The following LRRC63 variants were observed in gnomAD, a reference collection of about 807,000 sequenced individuals.
LRRC63 encodes leucine-rich repeat-containing protein 63.
A neutral mutation model predicts 49.5 loss-of-function variants in LRRC63; 40 were observed. The ratio of observed to expected loss-of-function variants is 0.81; its 90% CI spans 0.63 to 1.05. The LOEUF (loss-of-function observed/expected upper bound fraction) is 1.05, where lower values mean the gene tolerates loss of function less well. LRRC63 is among the 50% of genes least tolerant of loss of function. The pLI is 0.00. For missense variants in LRRC63, 636 were observed against 663.1 expected, an observed-to-expected ratio of 0.96 and a Z score of 0.45; for synonymous variants, 191 against 221.1, an observed-to-expected ratio of 0.86 and a Z score of 1.21.
chr13:46,261,512 A>G (rs2047613654), intron 7 of LRRC63, among the ~76,000 whole-genome samples: 1 of 152,212 alleles, frequency 6.6e-6, no homozygotes, highest in Admixed American at 6.5e-5. Flanking sequence ...CTCAGAGCCT[A>G]TGAAGGGAAC....
At chr13:46,249,731 T>C (rs2047321864) in intron 6 of LRRC63, among the ~76,000 whole-genome samples, 1 of 151,956 alleles carries the variant, frequency 6.6e-6, no homozygotes. Flanking sequence ...TTTATGATGA[T>C]AACAAGGTTG....
chr13:46,247,141 C>A (rs1217257632), intron 6 of LRRC63, among the ~76,000 whole-genome samples: 1 of 152,070 alleles, frequency 6.6e-6, no homozygotes, highest in Non-Finnish European at 1.5e-5. Context: ...GTCATTGCTT[C>A]ATTGATTACT....
chr13:46,241,523 G>A (rs1177507839), intron 5 of LRRC63, among the ~76,000 whole-genome samples: 1 of 152,142 alleles, frequency 6.6e-6, no homozygotes, highest in Admixed American at 6.5e-5. Context: ...ACTATCAACA[G>A]AGTGAACAGA....
At chr13:46,270,628 G>T in intron 9 of LRRC63, 1 of 830,208 alleles carries the variant, frequency 1.2e-6, no homozygotes, top group South Asian at 1.3e-5. Context: ...CATGAGGACT[G>T]ACATGGAGCA....
chr13:46,272,985 G>C (rs1772537864), intron 9 of LRRC63, among the ~76,000 whole-genome samples: 1 of 152,202 alleles, frequency 6.6e-6, no homozygotes, highest in South Asian at 2.1e-4. Context: ...TGATTGAAGA[G>C]AGGAATAAGC....
intron 9 of LRRC63, among the ~76,000 whole-genome samples, chr13:46,276,039 T>A (rs560445325): frequency 6.6e-6 from 1 of 152,304 alleles, no homozygotes; most frequent in South Asian, 2.1e-4. Context: ...TTTACCTGTG[T>A]TCTCTTGACA....
intron 5 of LRRC63, among the ~76,000 whole-genome samples, chr13:46,245,313 A>G (rs1054128516): frequency 6.6e-6 from 1 of 152,196 alleles, no homozygotes; most frequent in Non-Finnish European, 1.5e-5. Context: ...AAACAATTCA[A>G]TAAAGATATA....
chr13:46,243,042 T>C (rs949435035), intron 5 of LRRC63, among the ~76,000 whole-genome samples: 2 of 152,206 alleles, frequency 1.3e-5, no homozygotes, highest in South Asian at 4.1e-4. Context: ...GTAATTGTGG[T>C]AAGTAAACCA....
chr13:46,232,598 A>C (rs1472130259), intron 4 of LRRC63, among the ~76,000 whole-genome samples: 2 of 152,210 alleles, frequency 1.3e-5, no homozygotes, highest in Non-Finnish European at 2.9e-5. Flanking sequence ...ATCCTTGATA[A>C]TGGTGTTTTC....
chr13:46,246,232 G>A (rs1056790157), intron 5 of LRRC63, among the ~76,000 whole-genome samples: 9 of 152,146 alleles, frequency 5.9e-5, no homozygotes, highest in African/African-American at 1.2e-4. Context: ...CTGGAGAACC[G>A]TGAGCCAATT....
At chr13:46,226,685 G>A (rs953194074) in intron 2 of LRRC63, among the ~76,000 whole-genome samples, 7 of 152,160 alleles carry the variant, frequency 4.6e-5, no homozygotes, top group Non-Finnish European at 8.8e-5. Flanking sequence ...AACTCCAATA[G>A]CTCTGTTCAG....
chr13:46,221,015 A>G (rs2046392806), intron 2 of LRRC63, among the ~76,000 whole-genome samples: 1 of 152,032 alleles, frequency 6.6e-6, no homozygotes, highest in African/African-American at 2.4e-5. Context: ...ACTTACTCCT[A>G]CGCACCACTT....
In LRRC63 at chr13:46,266,967, AAAATGGTGAGC is replaced by A; in HGVS notation, c.1550+1_1550+11del. On this transcript the variant is annotated splice_donor_variant and splice_donor_5th_base_variant and coding_sequence_variant and intron_variant, in exon 9 of 10. Coordinates refer to ENST00000595396, the Ensembl canonical transcript of LRRC63. LOFTEE classifies it high-confidence loss of function. ...TCCCAGTAGAAGTTCAGAAGTTACT[AAAATGGTGAGC>A]AAATGCTGAAGCCCTTTTAACCAAA... 6.5e-7 allele frequency: 1 copy of A among 1,528,574 alleles called. No homozygotes were observed. The highest frequency in any genetic ancestry group is 8.8e-7 in the Non-Finnish European group (1 of 1,137,830). 94.7% of individuals were successfully genotyped at this position (1,528,574 alleles called of 1,614,324 possible). A position where few individuals can be genotyped will look rare whatever the true frequency, so the allele number is the denominator to read the frequency against.
chr13:46,243,720 G>T (rs780696732), intron 5 of LRRC63, among the ~76,000 whole-genome samples: 3 of 152,084 alleles, frequency 2.0e-5, no homozygotes, highest in South Asian at 4.1e-4. Context: ...CAGGTGATCC[G>T]CCTACCTCGG....
At chr13:46,235,567 A>G (rs1344967728) in intron 5 of LRRC63, among the ~76,000 whole-genome samples, 1 of 152,188 alleles carries the variant, frequency 6.6e-6, no homozygotes, top group Non-Finnish European at 1.5e-5. Context: ...TTAACACATA[A>G]TAATTATTAA....
intron 7 of LRRC63, among the ~76,000 whole-genome samples, chr13:46,258,178 G>A (rs1414416941): frequency 7.1e-6 from 1 of 141,220 alleles, no homozygotes; most frequent in African/African-American, 2.7e-5. Flanking sequence ...TGCCCAGGCT[G>A]GAGTGCAATG....
intron 2 of LRRC63, among the ~76,000 whole-genome samples, chr13:46,221,324 T>C (rs776661722): frequency 3.9e-5 from 6 of 152,300 alleles, no homozygotes; most frequent in East Asian, 3.9e-4. Context: ...ACATGAGCAA[T>C]TGGGCCTTTT....
chr13:46,217,113 G>A (rs940547712), intron 2 of LRRC63, among the ~76,000 whole-genome samples: 7 of 152,156 alleles, frequency 4.6e-5, no homozygotes, highest in African/African-American at 1.7e-4. Flanking sequence ...TCAAGATGAA[G>A]CTAGCCTTAT....
At chr13:46,224,667 T>C (rs1014781496) in intron 2 of LRRC63, among the ~76,000 whole-genome samples, 1 of 152,246 alleles carries the variant, frequency 6.6e-6, no homozygotes, top group Non-Finnish European at 1.5e-5. Flanking sequence ...TATATTGATA[T>C]CTGTGTATCT....
Sources: allele counts gnomAD v4.1 joint callset (sites outside exome capture counted in the v4.1 genomes callset), GRCh38; gene constraint gnomAD v4.1.1; transcripts MANE v1.5; gene names NCBI Gene and HGNC (gene_info 2026-07-23, HGNC 2026-07-21).